NEBL: variants seen among roughly 807,000 people sequenced by gnomAD.
The protein encoded by NEBL is nebulette, also known as LIM and SH3 protein 2.
Under a neutral mutation model 140.2 loss-of-function variants are expected in NEBL, and 122 were observed. That is an observed-to-expected ratio of 0.87 (90% confidence interval 0.75 to 1.01). The LOEUF is 1.01. Ranked by LOEUF, NEBL falls within the 50% of genes least tolerant of loss-of-function variation. The probability of loss-of-function intolerance (pLI) is 0.00; values close to 1 mark genes in which losing one functional copy is unlikely to be tolerated. For synonymous variants in NEBL, 436 were observed against 398.9 expected (o/e 1.09, Z -1.11); for missense variants, 1,365 against 1,231.3 (o/e 1.11, Z -1.62).
At chr10:20,956,492 G>A (rs1049698015) in intron 4 of NEBL, among the ~76,000 whole-genome samples, 2 of 152,172 alleles carry the variant, frequency 1.3e-5, no homozygotes, top group South Asian at 2.1e-4. Context: ...GCAACATATA[G>A]ATTCACTCTG....
At chr10:21,167,977 A>C (rs1443564155) in intron 2 of NEBL, among the ~76,000 whole-genome samples, 1 of 152,204 alleles carries the variant, frequency 6.6e-6, no homozygotes, top group Non-Finnish European at 1.5e-5. Flanking sequence ...AAATATTTTA[A>C]TAGTGTGCAC....
At chr10:21,065,961 A>G (rs1160703416) in intron 2 of NEBL, among the ~76,000 whole-genome samples, 1 of 152,166 alleles carries the variant, frequency 6.6e-6, no homozygotes, top group African/African-American at 2.4e-5. Flanking sequence ...CCTCTCTTCA[A>G]CCTGGTTACG....
At chr10:21,287,862 G>A (rs904005143) in intron 1 of NEBL, among the ~76,000 whole-genome samples, 3 of 152,076 alleles carry the variant, frequency 2.0e-5, no homozygotes, top group African/African-American at 7.2e-5. Flanking sequence ...GCAATGTATA[G>A]ACCTTATTTG....
chr10:20,938,995 C>T (rs1834677206), intron 4 of NEBL, among the ~76,000 whole-genome samples: 1 of 152,110 alleles, frequency 6.6e-6, no homozygotes, highest in South Asian at 2.1e-4. Context: ...GAGAATGGAA[C>T]CAAGTTGGAA....
chr10:21,001,690 C>T (rs1214969704), intron 3 of NEBL, among the ~76,000 whole-genome samples: 1 of 151,852 alleles, frequency 6.6e-6, no homozygotes, highest in Non-Finnish European at 1.5e-5. Context: ...GAACTCTAAG[C>T]ATGTGGGAGT....
chr10:20,869,849 G>A lies in NEBL; in HGVS notation c.481-8C>T. 1 of 1,569,616 alleles carries A rather than the reference G, an allele frequency of 6.4e-7. No individual in the cohort carries two copies. The highest frequency in any genetic ancestry group is 8.8e-7 in the Non-Finnish European group (1 of 1,139,558). ...GTCTTTCCTATAAGAAATCTGATCA[G>A]AGACAGTTTTGGTTAAAAAATAAAT... On this transcript the variant is annotated splice_region_variant and splice_polypyrimidine_tract_variant and intron_variant, in intron 5 of 27. Coordinates refer to ENST00000377122, the MANE Select transcript of NEBL (RefSeq NM_006393.3).
intron 3 of NEBL, among the ~76,000 whole-genome samples, chr10:21,212,812 C>T (rs1841938536): frequency 6.6e-6 from 1 of 152,154 alleles, no homozygotes; most frequent in South Asian, 2.1e-4. Context: ...GACTACCGTT[C>T]TCACTCCTTT....
intron 7 of NEBL, among the ~76,000 whole-genome samples, chr10:20,866,039 A>G (rs1170247680): frequency 2.0e-5 from 3 of 152,120 alleles, no homozygotes; most frequent in South Asian, 2.1e-4. Context: ...TTCACAATCA[A>G]TCTTTGCTCA....
chr10:20,881,497 A>G (rs1391579688), intron 4 of NEBL, among the ~76,000 whole-genome samples: 11 of 152,202 alleles, frequency 7.2e-5, no homozygotes, highest in Non-Finnish European at 1.5e-5. Context: ...GGGATATGAG[A>G]AAGATATCTC....
intron 4 of NEBL, among the ~76,000 whole-genome samples, chr10:20,943,450 A>C (rs1000825615): frequency 1.3e-5 from 2 of 152,150 alleles, no homozygotes; most frequent in Admixed American, 6.5e-5. Context: ...TGGGTTGGGG[A>C]GAGTGGGGAG....
At chr10:20,879,627 C>A (rs1423544007) in intron 5 of NEBL, among the ~76,000 whole-genome samples, 2 of 152,134 alleles carry the variant, frequency 1.3e-5, no homozygotes, top group Admixed American at 1.3e-4. Context: ...CATGGTCAGC[C>A]AAGCACCATT....
At chr10:20,896,897 A>T in intron 2 of NEBL, 61 bp downstream of exon 2, 1 of 1,372,634 alleles carries the variant, frequency 7.3e-7, no homozygotes. Context: ...CTATGACTCT[A>T]TAACATAATA....
chr10:21,025,686 G>A (rs1838997630), intron 2 of NEBL, among the ~76,000 whole-genome samples: 1 of 152,132 alleles, frequency 6.6e-6, no homozygotes, highest in South Asian at 2.1e-4. Flanking sequence ...GTGCTTATAG[G>A]AGCACAGGAG....
intron 4 of NEBL, among the ~76,000 whole-genome samples, chr10:20,952,864 C>T (rs191541990): frequency 5.3e-5 from 7 of 132,418 alleles, no homozygotes; most frequent in East Asian, 4.6e-4. Flanking sequence ...GAGATTGCAC[C>T]GCTGTACTCC....
In NEBL at chr10:20,908,966, C is replaced by A. The variant is rs114479565; in HGVS notation, c.357+52706G>T. Among the ~76,000 whole-genome samples the A allele has an allele frequency of 1.4e-4, 22 of 152,206 alleles. 1 individual carries two copies. In the South Asian group the frequency reaches 4.6e-3, roughly 32 times the overall value. On this transcript the variant is annotated intron_variant, in intron 4 of 6. Transcript: ENST00000417816. The stretch of plus-strand genomic sequence containing the variant: ...CACTTTTTGTACTGATCACCAGACA[C>A]TGAGATCATAAAATTTGTGTTTGTG...
chr10:21,046,147 A>G (rs1233259676), intron 2 of NEBL, among the ~76,000 whole-genome samples: 3 of 152,220 alleles, frequency 2.0e-5, no homozygotes, highest in Non-Finnish European at 4.4e-5. Context: ...TAAATACCAC[A>G]TGATCTCACT....
chr10:21,078,937 G>C (rs1836235331), intron 2 of NEBL, among the ~76,000 whole-genome samples: 1 of 152,170 alleles, frequency 6.6e-6, no homozygotes, highest in African/African-American at 2.4e-5. Flanking sequence ...ACCTTAATAA[G>C]CACGTGCGGC....
At chr10:21,077,164 T>C (rs1330609297) in intron 2 of NEBL, among the ~76,000 whole-genome samples, 1 of 152,112 alleles carries the variant, frequency 6.6e-6, no homozygotes, top group Non-Finnish European at 1.5e-5. Flanking sequence ...GTTATTGGGG[T>C]CTATCTTGGT....
chr10:21,285,644 A>C (rs750316935), intron 1 of NEBL, among the ~76,000 whole-genome samples: 1 of 152,190 alleles, frequency 6.6e-6, no homozygotes, highest in Non-Finnish European at 1.5e-5. Context: ...GAACTTTCTA[A>C]ATTAACTGAC....
Sources: gnomAD v4.1 joint callset for allele counts (sites outside exome capture counted in the v4.1 genomes callset) on GRCh38, gnomAD v4.1.1 for gene constraint, MANE v1.5 for transcripts, NCBI Gene and HGNC (gene_info 2026-07-23, HGNC 2026-07-21) for gene names.